Variants in SEMA5A observed in about 807,000 individuals in gnomAD.
SEMA5A encodes the protein semaphorin 5A.
In SEMA5A, 55 loss-of-function variants were observed where a neutral mutation model predicts 135.5. The ratio of observed to expected loss-of-function variants is 0.41; its 90% CI spans 0.33 to 0.51. The LOEUF is 0.51. SEMA5A is among the 20% of genes least tolerant of loss of function. The pLI is 0.37. For missense variants in SEMA5A, 1,290 were observed against 1,419.9 expected, an observed-to-expected ratio of 0.91 and a Z score of 1.47; for synonymous variants, 580 against 546.5, an observed-to-expected ratio of 1.06 and a Z score of -0.85.
At chr5:9,405,872 C>T (rs541835018) in intron 2 of SEMA5A, among the ~76,000 whole-genome samples, 4 of 152,242 alleles carry the variant, frequency 2.6e-5, no homozygotes, top group East Asian at 3.9e-4. Context: ...AACTCATCCA[C>T]GGTGAGCAGA....
At chr5:9,477,790 T>C (rs1343438006) in intron 1 of SEMA5A, among the ~76,000 whole-genome samples, 3 of 152,062 alleles carry the variant, frequency 2.0e-5, no homozygotes, top group South Asian at 2.1e-4. Flanking sequence ...AAGCAGAACA[T>C]AAAAGATTGG....
chr5:9,314,271 A>G (rs1292771457), intron 5 of SEMA5A, among the ~76,000 whole-genome samples: 4 of 151,994 alleles, frequency 2.6e-5, no homozygotes, highest in African/African-American at 7.2e-5. Flanking sequence ...GTGTTTTCCA[A>G]TGGGGCGCAC....
chr5:9,230,622 G>A (rs992417645), intron 6 of SEMA5A, among the ~76,000 whole-genome samples: 1 of 152,028 alleles, frequency 6.6e-6, no homozygotes, highest in Non-Finnish European at 1.5e-5. Flanking sequence ...GTGAGTGTGT[G>A]GAAAAAAAGG....
At chr5:9,089,817 C>T (rs1225611910) in intron 16 of SEMA5A, among the ~76,000 whole-genome samples, 1 of 152,124 alleles carries the variant, frequency 6.6e-6, no homozygotes, top group African/African-American at 2.4e-5. Flanking sequence ...CTCCCATTCA[C>T]TCTATGAATT....
chr5:9,389,820 G>T (rs937328090), intron 2 of SEMA5A, among the ~76,000 whole-genome samples: 3 of 151,990 alleles, frequency 2.0e-5, no homozygotes, highest in African/African-American at 4.8e-5. Flanking sequence ...TCCCTATCTG[G>T]CCCCACTGTA....
At chr5:9,342,710 C>T (rs1561166205) in intron 3 of SEMA5A, among the ~76,000 whole-genome samples, 1 of 152,206 alleles carries the variant, frequency 6.6e-6, no homozygotes, top group Non-Finnish European at 1.5e-5. Context: ...ATCAGCAAGA[C>T]AGCTCAAAAA....
chr5:9,065,023 G>A (rs1032159890), intron 17 of SEMA5A, among the ~76,000 whole-genome samples: 1 of 152,176 alleles, frequency 6.6e-6, no homozygotes, highest in Non-Finnish European at 1.5e-5. Flanking sequence ...ATTAAAAAGA[G>A]TGACTATTAT....
intron 11 of SEMA5A, among the ~76,000 whole-genome samples, chr5:9,184,113 G>A (rs1744674267): frequency 2.0e-5 from 3 of 149,108 alleles, no homozygotes; most frequent in South Asian, 4.2e-4. Flanking sequence ...TCATTTTTGT[G>A]AGTGTCTGTT....
chr5:9,129,146 A>C (rs756173577), intron 13 of SEMA5A, among the ~76,000 whole-genome samples: 13 of 152,254 alleles, frequency 8.5e-5, no homozygotes, highest in African/African-American at 1.7e-4. Context: ...GCACAGGGAA[A>C]TAGAGGAAGA....
intron 1 of SEMA5A, among the ~76,000 whole-genome samples, chr5:9,450,333 G>A (rs1355821215): frequency 6.6e-6 from 1 of 152,170 alleles, no homozygotes; most frequent in East Asian, 1.9e-4. Flanking sequence ...TGCTTATATG[G>A]ATAATCCACT....
intron 8 of SEMA5A, among the ~76,000 whole-genome samples, chr5:9,209,754 C>CAAATGTCAGAGGCCCTTGACTGGGAT (rs1210593191): frequency 6.6e-6 from 1 of 152,106 alleles, no homozygotes; most frequent in Non-Finnish European, 1.5e-5. Context: ...AGTGAGTGAA[C>CAAATGTCAGAGGCCCTTGACTGGGAT]AAATGTCAGA....
At chr5:9,401,466 CA>C (rs1390384542) in intron 2 of SEMA5A, among the ~76,000 whole-genome samples, 1 of 152,152 alleles carries the variant, frequency 6.6e-6, no homozygotes, top group African/African-American at 2.4e-5. Context: ...TGTGAGGCCT[CA>C]ATCTTATGAC....
chr5:9,257,306 T>C (rs570146769), intron 5 of SEMA5A, among the ~76,000 whole-genome samples: 4 of 152,308 alleles, frequency 2.6e-5, no homozygotes. Context: ...GACATTTCAA[T>C]TGTTCCTTGG....
At chr5:9,266,536 A>C (rs1170113038) in intron 5 of SEMA5A, among the ~76,000 whole-genome samples, 1 of 152,236 alleles carries the variant, frequency 6.6e-6, no homozygotes, top group Non-Finnish European at 1.5e-5. Context: ...GCTAAATTAG[A>C]AACTTTTATC....
At chr5:9,327,971 A>G (rs1458081808) in intron 4 of SEMA5A, among the ~76,000 whole-genome samples, 2 of 152,192 alleles carry the variant, frequency 1.3e-5, no homozygotes, top group African/African-American at 4.8e-5. Flanking sequence ...TCCTAGGACT[A>G]TTCATGCTTT....
chr5:9,309,166 T>C (rs1397678023), intron 5 of SEMA5A, among the ~76,000 whole-genome samples: 1 of 152,112 alleles, frequency 6.6e-6, no homozygotes, highest in Non-Finnish European at 1.5e-5. Context: ...AAATGTACTA[T>C]AGAGAAAATT....
At chr5:9,400,652 G>A (rs377454110) in intron 2 of SEMA5A, among the ~76,000 whole-genome samples, 2 of 94,984 alleles carry the variant, frequency 2.1e-5, no homozygotes, top group East Asian at 3.8e-4. Context: ...GACTACAGGC[G>A]CCCGCCACTA....
chr5:9,046,544 C>A (rs143867859), intron 21 of SEMA5A, among the ~76,000 whole-genome samples: 110 of 152,316 alleles, frequency 7.2e-4, no homozygotes, highest in Non-Finnish European at 1.3e-3. Flanking sequence ...CCTAGGTCTA[C>A]GGGGCTCTGT....
chr5:9,494,210 T>C (rs141970286), intron 1 of SEMA5A, among the ~76,000 whole-genome samples: 102 of 152,268 alleles, frequency 6.7e-4, no homozygotes, highest in African/African-American at 2.3e-3. Flanking sequence ...GGCCTCAAGG[T>C]GCCTATCTCT....
Sources: gnomAD v4.1 joint callset for allele counts (sites outside exome capture counted in the v4.1 genomes callset) on GRCh38, gnomAD v4.1.1 for gene constraint, MANE v1.5 for transcripts, NCBI Gene and HGNC (gene_info 2026-07-23, HGNC 2026-07-21) for gene names.